The following AGMO variants were observed in gnomAD, a reference collection of about 807,000 sequenced individuals.
AGMO encodes glyceryl-ether monooxygenase.
In AGMO, 75 loss-of-function variants were observed where a neutral mutation model predicts 60.2. The observed-to-expected ratio is 1.25, with a 90% confidence interval of 1.03 to 1.51. The LOEUF is 1.51. Among genes scored for constraint, AGMO ranks in the 40% most tolerant of loss-of-function variants. The pLI is 0.00. For missense variants in AGMO, 763 were observed against 525.5 expected, an observed-to-expected ratio of 1.45 and a Z score of -4.42; for synonymous variants, 261 against 177.1, an observed-to-expected ratio of 1.47 and a Z score of -3.76.
chr7:15,227,783 T>C (rs1369004615), intron 12 of AGMO, among the ~76,000 whole-genome samples: 1 of 152,110 alleles, frequency 6.6e-6, no homozygotes, highest in African/African-American at 2.4e-5. Context: ...CAACTACTAG[T>C]TCCAGAATCC....
chr7:15,524,291 T>C (rs1374804146), intron 3 of AGMO, among the ~76,000 whole-genome samples: 5 of 152,050 alleles, frequency 3.3e-5, no homozygotes, highest in African/African-American at 1.2e-4. Context: ...AAGAATATGC[T>C]GGGTAATGGT....
chr7:15,512,082 C>A (rs59428585), intron 3 of AGMO, among the ~76,000 whole-genome samples: 2,366 of 151,780 alleles, frequency 0.016, 41 homozygotes, highest in African/African-American at 0.054. Context: ...ATAACTATGA[C>A]TTCTTTTGTA....
intron 2 of AGMO, among the ~76,000 whole-genome samples, chr7:15,546,159 T>A (rs1354343387): frequency 6.6e-6 from 1 of 152,166 alleles, no homozygotes; most frequent in African/African-American, 2.4e-5. Context: ...ATTTAATATC[T>A]TTAAAATAAC....
chr7:15,136,069 C>T, the AGMO span, among the ~76,000 whole-genome samples: 5 of 140,606 alleles, frequency 3.6e-5, no homozygotes, highest in East Asian at 1.1e-3. Context: ...TCTCAGTTTA[C>T]TGCAACCTCT....
At chr7:15,498,327 T>C (rs1783289524) in intron 3 of AGMO, among the ~76,000 whole-genome samples, 1 of 151,960 alleles carries the variant, frequency 6.6e-6, no homozygotes, top group Admixed American at 6.6e-5. Context: ...TTAGTGGGGA[T>C]ATTTAGTAGT....
At chr7:15,269,422 T>C (rs1314778059) in intron 12 of AGMO, among the ~76,000 whole-genome samples, 1 of 151,926 alleles carries the variant, frequency 6.6e-6, no homozygotes, top group Non-Finnish European at 1.5e-5. Flanking sequence ...GGATTCCCGG[T>C]CCCAATAGAA....
At chr7:15,139,077 C>G in the AGMO span, among the ~76,000 whole-genome samples, 35 of 152,238 alleles carry the variant, frequency 2.3e-4, no homozygotes, top group African/African-American at 8.2e-4. Flanking sequence ...TACTCTCAAC[C>G]AATTAACCAC....
At chr7:15,397,115 C>G (rs1321629964) in intron 5 of AGMO, among the ~76,000 whole-genome samples, 1 of 152,158 alleles carries the variant, frequency 6.6e-6, no homozygotes, top group African/African-American at 2.4e-5. Flanking sequence ...TTTGCGGTAC[C>G]TATCCTGGGC....
chr7:15,229,226 A>G (rs1054982593), intron 12 of AGMO, among the ~76,000 whole-genome samples: 1 of 152,072 alleles, frequency 6.6e-6, no homozygotes, highest in Non-Finnish European at 1.5e-5. Flanking sequence ...TTGGGATCAA[A>G]TTAGGGAATT....
At chr7:15,152,749 G>A in the AGMO span, among the ~76,000 whole-genome samples, 3 of 152,098 alleles carry the variant, frequency 2.0e-5, no homozygotes, top group South Asian at 2.1e-4. Flanking sequence ...ATTGATTAAT[G>A]GGCATTTGGG....
chr7:15,175,135 T>C, the AGMO span, among the ~76,000 whole-genome samples: 2 of 152,066 alleles, frequency 1.3e-5, no homozygotes, highest in East Asian at 1.9e-4. Context: ...GCTATTAAAA[T>C]GGTTAATGTA....
intron 12 of AGMO, among the ~76,000 whole-genome samples, chr7:15,346,764 A>G (rs1047018007): frequency 1.3e-5 from 2 of 151,972 alleles, no homozygotes; most frequent in Non-Finnish European, 2.9e-5. Context: ...AAAACATTTT[A>G]GTGCAGAATA....
intron 5 of AGMO, among the ~76,000 whole-genome samples, chr7:15,412,044 G>A (rs778950329): frequency 3.3e-5 from 5 of 152,022 alleles, no homozygotes; most frequent in South Asian, 2.1e-4. Flanking sequence ...ACTCTATTGC[G>A]TTTGCTGCTA....
chr7:15,528,334 G>C (rs1784179386), intron 3 of AGMO, among the ~76,000 whole-genome samples: 2 of 152,008 alleles, frequency 1.3e-5, no homozygotes, highest in South Asian at 2.1e-4. Context: ...AAAAAAAATT[G>C]GTGTGAGTTT....
chr7:15,257,650 A>G (rs886927993), intron 12 of AGMO, among the ~76,000 whole-genome samples: 1 of 152,234 alleles, frequency 6.6e-6, no homozygotes, highest in Non-Finnish European at 1.5e-5. Flanking sequence ...TAATTGAGCT[A>G]AAAGATGTTA....
intron 12 of AGMO, among the ~76,000 whole-genome samples, chr7:15,266,871 T>C (rs912309087): frequency 6.1e-5 from 9 of 147,956 alleles, no homozygotes; most frequent in Admixed American, 2.7e-4. Context: ...AGAAACAAAA[T>C]AAAGGACCTA....
intron 3 of AGMO, among the ~76,000 whole-genome samples, chr7:15,515,250 T>A (rs1783778132): frequency 6.6e-6 from 1 of 152,232 alleles, no homozygotes; most frequent in Admixed American, 6.5e-5. Context: ...CACTGACAAC[T>A]TTCTCTTTAG....
At chr7:15,155,400 C>T in the AGMO span, among the ~76,000 whole-genome samples, 1 of 135,684 alleles carries the variant, frequency 7.4e-6, no homozygotes, top group Non-Finnish European at 1.6e-5. Context: ...TTAATGCTTC[C>T]AATTGCATTA....
At chr7:15,478,184 G>C (rs73679614) in intron 3 of AGMO, among the ~76,000 whole-genome samples, 1 of 152,118 alleles carries the variant, frequency 6.6e-6, no homozygotes, top group African/African-American at 2.4e-5. Flanking sequence ...ATTAGAAAAT[G>C]GGCATGGAAG....
Sources: allele counts gnomAD v4.1 joint callset (sites outside exome capture counted in the v4.1 genomes callset), GRCh38; gene constraint gnomAD v4.1.1; transcripts MANE v1.5; gene names NCBI Gene and HGNC (gene_info 2026-07-23, HGNC 2026-07-21).